DPP10: variants seen among roughly 807,000 people sequenced by gnomAD.
DPP10 encodes inactive dipeptidyl peptidase 10.
In DPP10, 33 loss-of-function variants were observed where a neutral mutation model predicts 120.9. That is an observed-to-expected ratio of 0.27 (90% CI 0.21 to 0.37). The LOEUF (loss-of-function observed/expected upper bound fraction) is 0.37. Ranked by LOEUF, DPP10 falls within the 10% of genes least tolerant of loss-of-function variation. The pLI, the probability that DPP10 is intolerant of heterozygous loss-of-function variation, is 1.00. For missense variants in DPP10, 816 were observed against 942.8 expected (o/e 0.87, Z 1.76); for synonymous variants, 337 against 326.1 (o/e 1.03, Z -0.36).
At position 115,825,756 on chromosome 2, in the gene DPP10, A is replaced by C. The variant is rs151124392; in HGVS notation, c.1950+10027A>C. ...TGTCTACTTTTTCTATCAACTAATG[A>C]GAGAGGGTGTTGAAATGTTTGGCTA... On this transcript the variant is annotated intron_variant, in intron 21 of 25. Coordinates refer to ENST00000410059, the MANE Select transcript of DPP10 (RefSeq NM_020868.6). Among the ~76,000 whole-genome samples the C allele has an allele frequency of 5.3e-3, 814 of 152,304 alleles. 11 individuals are homozygous for C. The highest frequency in any genetic ancestry group is 0.019 in the African/African-American group (784 of 41,560).
chr2:115,448,107 T>A (rs541977451), intron 3 of DPP10, among the ~76,000 whole-genome samples: 32 of 152,186 alleles, frequency 2.1e-4, no homozygotes, highest in African/African-American at 7.2e-4. Context: ...AGGTCTGAGG[T>A]ACAGTGAATG....
At chr2:115,748,399 T>C (rs1208579856) in intron 10 of DPP10, among the ~76,000 whole-genome samples, 1 of 152,066 alleles carries the variant, frequency 6.6e-6, no homozygotes, top group Non-Finnish European at 1.5e-5. Flanking sequence ...ACCACAAATA[T>C]GATCATCTCT....
chr2:115,465,343 A>T (rs1220728152), intron 3 of DPP10, among the ~76,000 whole-genome samples: 3 of 152,202 alleles, frequency 2.0e-5, no homozygotes, highest in Non-Finnish European at 2.9e-5. Flanking sequence ...AACAGATTTT[A>T]TAGGCTTTGG....
At chr2:115,632,136 T>A (rs1054510085) in intron 5 of DPP10, among the ~76,000 whole-genome samples, 1 of 152,226 alleles carries the variant, frequency 6.6e-6, no homozygotes, top group Non-Finnish European at 1.5e-5. Flanking sequence ...TAGCTCTTCT[T>A]GTTGAATTGA....
At chr2:114,695,180 G>A (rs1048498492) in intron 1 of DPP10, among the ~76,000 whole-genome samples, 5 of 151,954 alleles carry the variant, frequency 3.3e-5, no homozygotes, top group Non-Finnish European at 2.9e-5. Flanking sequence ...GCAGTTAGGC[G>A]CTTATTGTGA....
intron 1 of DPP10, among the ~76,000 whole-genome samples, chr2:114,761,353 T>C (rs1680266071): frequency 6.6e-6 from 1 of 152,186 alleles, no homozygotes; most frequent in Non-Finnish European, 1.5e-5. Context: ...GTCTGAGTCT[T>C]ATGAGCAAAA....
intron 2 of DPP10, among the ~76,000 whole-genome samples, chr2:115,343,559 ATT>A (rs1417661759): frequency 6.6e-6 from 1 of 152,164 alleles, no homozygotes; most frequent in Non-Finnish European, 1.5e-5. Context: ...CTGCTTTCAT[ATT>A]ATATTACTAA....
At chr2:115,797,238 G>C (rs1202341522) in intron 19 of DPP10, among the ~76,000 whole-genome samples, 1 of 151,960 alleles carries the variant, frequency 6.6e-6, no homozygotes, top group African/African-American at 2.4e-5. Context: ...ATAAAATTCT[G>C]AATTCTCATC....
At chr2:115,469,879 C>T (rs1193548756) in intron 3 of DPP10, among the ~76,000 whole-genome samples, 14 of 24,098 alleles carry the variant, frequency 5.8e-4, no homozygotes, top group Non-Finnish European at 6.6e-4. Context: ...GCCTGGGCAA[C>T]AAGAGAAAAA....
At chr2:115,536,172 A>G (rs572863947) in intron 5 of DPP10, among the ~76,000 whole-genome samples, 1 of 151,904 alleles carries the variant, frequency 6.6e-6, no homozygotes, top group South Asian at 2.1e-4. Flanking sequence ...TTTAGAGAAA[A>G]CCACTGTTAA....
intron 1 of DPP10, among the ~76,000 whole-genome samples, chr2:114,692,140 G>A (rs537807764): frequency 6.6e-6 from 1 of 151,842 alleles, no homozygotes; most frequent in African/African-American, 2.4e-5. Flanking sequence ...GGGTTTGTTT[G>A]CTCTTGCTTC....
intron 3 of DPP10, among the ~76,000 whole-genome samples, chr2:115,443,801 C>G (rs1417925780): frequency 6.6e-6 from 1 of 152,092 alleles, no homozygotes. Context: ...TTGAGAATAG[C>G]TGTTCTAGGT....
At chr2:114,471,744 C>T (rs1294295220) in intron 1 of DPP10, among the ~76,000 whole-genome samples, 1 of 152,176 alleles carries the variant, frequency 6.6e-6, no homozygotes, top group Non-Finnish European at 1.5e-5. Context: ...CACAACACAT[C>T]TGTTGCTAGG....
At chr2:115,805,415 C>A (rs1442529040) in intron 19 of DPP10, among the ~76,000 whole-genome samples, 1 of 152,082 alleles carries the variant, frequency 6.6e-6, no homozygotes, top group African/African-American at 2.4e-5. Context: ...TTGGCTCACA[C>A]AGGGTGCGCT....
intron 1 of DPP10, among the ~76,000 whole-genome samples, chr2:115,227,006 T>C (rs2057466745): frequency 6.6e-6 from 1 of 152,148 alleles, no homozygotes; most frequent in Admixed American, 6.6e-5. Context: ...CAAACAAATC[T>C]CATTTTTGTA....
intron 16 of DPP10, among the ~76,000 whole-genome samples, 167 bp downstream of exon 16, chr2:115,781,162 C>CAT (rs765846366): frequency 1.6e-4 from 24 of 151,786 alleles, no homozygotes; most frequent in East Asian, 1.2e-3. Flanking sequence ...CAATTTTTTA[C>CAT]ATATTTTGTA....
chr2:115,343,601 T>C (rs1207084206), intron 2 of DPP10, among the ~76,000 whole-genome samples: 1 of 152,164 alleles, frequency 6.6e-6, no homozygotes, highest in Non-Finnish European at 1.5e-5. Flanking sequence ...CTATTAAATT[T>C]GTACCAGATC....
intron 5 of DPP10, among the ~76,000 whole-genome samples, chr2:115,649,247 T>C (rs2087542773): frequency 1.3e-5 from 2 of 152,134 alleles, no homozygotes; most frequent in Non-Finnish European, 2.9e-5. Context: ...GGAGCTACTC[T>C]TCTGTTACTT....
In DPP10 at chr2:114,980,623, A is replaced by G. The variant is rs535569478; in HGVS notation, c.61-328616A>G. The stretch of plus-strand genomic sequence containing the variant: ...GTTTCTAGAACTTAGAAGGAACAAA[A>G]AGAATCTACTGAAAAAAAAAAAAAA... On this transcript the variant is annotated intron_variant, in intron 1 of 25. Coordinates refer to ENST00000410059, the MANE Select transcript of DPP10 (RefSeq NM_020868.6). 1.3e-4 allele frequency among the ~76,000 whole-genome samples: 20 copies of G among 148,696 alleles called. No individual in the cohort carries two copies. The South Asian group carries it at 4.3e-3, about 32-fold the overall frequency.
Sources: gnomAD v4.1 joint callset for allele counts (sites outside exome capture counted in the v4.1 genomes callset) on GRCh38, gnomAD v4.1.1 for gene constraint, MANE v1.5 for transcripts, NCBI Gene and HGNC (gene_info 2026-07-23, HGNC 2026-07-21) for gene names.